The following C14orf39 variants were observed in gnomAD, a reference collection of about 807,000 sequenced individuals.
C14orf39 encodes the protein chromosome 14 open reading frame 39.
A neutral mutation model predicts 85.6 loss-of-function variants in C14orf39; 66 were observed. The observed-to-expected ratio is 0.77, with a 90% CI of 0.63 to 0.95. The LOEUF (loss-of-function observed/expected upper bound fraction) is 0.95, where lower values mean the gene tolerates loss of function less well. C14orf39 is among the 40% of genes least tolerant of loss of function. The probability of loss-of-function intolerance (pLI) is 0.00; values close to 1 mark genes in which losing one functional copy is unlikely to be tolerated. For missense variants in C14orf39, 735 were observed against 663.9 expected, an observed-to-expected ratio of 1.11 and a Z score of -1.18; for synonymous variants, 242 against 214.0, an observed-to-expected ratio of 1.13 and a Z score of -1.14.
At chr14:60,449,929 A>G (rs1475464405) in intron 16 of C14orf39, among the ~76,000 whole-genome samples, 2 of 152,184 alleles carry the variant, frequency 1.3e-5, no homozygotes, top group African/African-American at 2.4e-5. Context: ...AATCCTTCCT[A>G]AAAGGGAATC....
intron 13 of C14orf39, among the ~76,000 whole-genome samples, chr14:60,459,749 A>G (rs977758229): frequency 7.2e-5 from 11 of 151,756 alleles, no homozygotes. Flanking sequence ...TATCTGCCAC[A>G]AAAGATTCTC....
At chr14:60,440,621 C>A (rs1364751308) in intron 17 of C14orf39, among the ~76,000 whole-genome samples, 1 of 152,156 alleles carries the variant, frequency 6.6e-6, no homozygotes, top group African/African-American at 2.4e-5. Context: ...CAGAATAATT[C>A]TTTTAAAACC....
chr14:60,504,077 G>A (rs982459512), intron 1 of C14orf39, among the ~76,000 whole-genome samples: 1 of 152,154 alleles, frequency 6.6e-6, no homozygotes, highest in African/African-American at 2.4e-5. Flanking sequence ...TGAGACTACC[G>A]AAACTGTCTC....
chr14:60,497,595 G>T (rs1410321868), intron 2 of C14orf39, among the ~76,000 whole-genome samples: 1 of 152,218 alleles, frequency 6.6e-6, no homozygotes, highest in Non-Finnish European at 1.5e-5. Flanking sequence ...TTCTCTTTGA[G>T]TGGGACACAG....
At chr14:60,504,908 C>T (rs540214120) in intron 1 of C14orf39, among the ~76,000 whole-genome samples, 31 of 152,256 alleles carry the variant, frequency 2.0e-4, no homozygotes, top group African/African-American at 7.0e-4. Flanking sequence ...AAACATTAGG[C>T]TAATTAATCA....
At chr14:60,471,244 C>T (rs1892060840) in intron 7 of C14orf39, among the ~76,000 whole-genome samples, 173 bp downstream of exon 7, 1 of 151,910 alleles carries the variant, frequency 6.6e-6, no homozygotes, top group South Asian at 2.1e-4. Context: ...CTTCTGATCA[C>T]ATGAATATAC....
intron 1 of C14orf39, chr14:60,511,596 G>C (rs568866449): frequency 2.1e-6 from 1 of 473,262 alleles, no homozygotes; most frequent in African/African-American, 2.0e-5. Flanking sequence ...CACGTCGAAA[G>C]GACGCTGTTA....
At chr14:60,477,691 T>TC in intron 5 of C14orf39, among the ~76,000 whole-genome samples, 1 of 152,188 alleles carries the variant, frequency 6.6e-6, no homozygotes, top group Admixed American at 6.5e-5. Flanking sequence ...AGGTAACTAT[T>TC]CCCCGAGATG....
chr14:60,474,700 C>T (rs983490271), intron 5 of C14orf39, among the ~76,000 whole-genome samples: 2 of 151,874 alleles, frequency 1.3e-5, no homozygotes, highest in African/African-American at 2.4e-5. Context: ...TGCTGGATTA[C>T]ATTTATTGAT....
intron 2 of C14orf39, chr14:60,494,045 G>A: frequency 3.9e-6 from 1 of 258,506 alleles, no homozygotes; most frequent in Non-Finnish European, 7.9e-6. Flanking sequence ...TGGCGCTCTA[G>A]ACCACGGAGA....
chr14:60,467,721 A>G (rs1186142851), intron 9 of C14orf39, among the ~76,000 whole-genome samples: 1 of 151,752 alleles, frequency 6.6e-6, no homozygotes, highest in Non-Finnish European at 1.5e-5. Context: ...GGAGTGGAGG[A>G]ATCAAGAAAA....
intron 5 of C14orf39, among the ~76,000 whole-genome samples, chr14:60,475,926 TA>T (rs1438046413): frequency 6.6e-6 from 1 of 152,136 alleles, no homozygotes; most frequent in Non-Finnish European, 1.5e-5. Flanking sequence ...GGGAGTTTCT[TA>T]AAAGATACCC....
rs150874643 is a variant in C14orf39 at position 60,480,383 on chromosome 14, G to A, written c.234-1994C>T. ...GGAGGAGGTCGCAGTGAGTGAGATC[G>A]CGCCATTGCACTCCAGCCTGGGTGA... On this transcript the variant is annotated intron_variant, in intron 4 of 17. Coordinates refer to ENST00000321731, the MANE Select transcript of C14orf39 (RefSeq NM_174978.3). Among the ~76,000 whole-genome samples the A allele has an allele frequency of 3.6e-3, 544 of 152,184 alleles. 3 individuals are homozygous for A. The highest frequency in any genetic ancestry group is 0.012 in the African/African-American group (488 of 41,516).
At chr14:60,444,582 C>A (rs565829998) in intron 16 of C14orf39, among the ~76,000 whole-genome samples, 1 of 152,128 alleles carries the variant, frequency 6.6e-6, no homozygotes. Context: ...GATTGGTGTA[C>A]CTGAAAGTGA....
chr14:60,486,924 G>C (rs1236315872), upstream of C14orf39, among the ~76,000 whole-genome samples: 1 of 152,150 alleles, frequency 6.6e-6, no homozygotes, highest in Admixed American at 6.5e-5. Context: ...CAATTTAGCA[G>C]ATTTATTCTT....
At chr14:60,458,767 TTC>T (rs1891391189) in intron 13 of C14orf39, 28 bp from the exon 14 acceptor site, 14 of 1,541,598 alleles carry the variant, frequency 9.1e-6, no homozygotes, top group Non-Finnish European at 1.2e-5. Context: ...CAAACTATTT[TTC>T]TTTTTGTAAT....
chr14:60,509,719 G>A, intron 1 of C14orf39: 1 of 1,614,134 alleles, frequency 6.2e-7, no homozygotes, highest in Non-Finnish European at 8.5e-7. Flanking sequence ...GAAGACCCCT[G>A]GGACCTGTGG....
chr14:60,453,017 G>T (rs1249023492), intron 16 of C14orf39, among the ~76,000 whole-genome samples: 2 of 152,064 alleles, frequency 1.3e-5, no homozygotes, highest in African/African-American at 2.4e-5. Context: ...AACCTGAAAA[G>T]AATATATATG....
chr14:60,438,946 A>C (rs1206734665), intron 17 of C14orf39, among the ~76,000 whole-genome samples: 1 of 152,202 alleles, frequency 6.6e-6, no homozygotes, highest in Non-Finnish European at 1.5e-5. Flanking sequence ...ATAAAAATAC[A>C]GTTAGACAGA....
Sources: gnomAD v4.1 joint callset for allele counts (sites outside exome capture counted in the v4.1 genomes callset) on GRCh38, gnomAD v4.1.1 for gene constraint, MANE v1.5 for transcripts, NCBI Gene and HGNC (gene_info 2026-07-23, HGNC 2026-07-21) for gene names.